CLASP2: variants seen among roughly 807,000 people sequenced by gnomAD.
CLASP2 encodes cytoplasmic linker associated protein 2.
CLASP2 carries 47 observed loss-of-function variants against 194.4 expected under a neutral mutation model. That is an observed-to-expected ratio of 0.24 (90% CI 0.19 to 0.31). The LOEUF (loss-of-function observed/expected upper bound fraction) is 0.31, where lower values mean the gene tolerates loss of function less well. Among genes scored for constraint, CLASP2 ranks in the 10% least tolerant of loss-of-function variants. The pLI is 1.00. For missense variants in CLASP2, 1,445 were observed against 1,823.6 expected, an observed-to-expected ratio of 0.79 and a Z score of 3.78; for synonymous variants, 619 against 633.5, an observed-to-expected ratio of 0.98 and a Z score of 0.34.
At chr3:33,548,519 G>A (rs931533881) in intron 30 of CLASP2, among the ~76,000 whole-genome samples, 2 of 151,944 alleles carry the variant, frequency 1.3e-5, no homozygotes, top group African/African-American at 4.8e-5. Context: ...GGATGGTCTT[G>A]ATCTCCTGAC....
chr3:33,523,246 C>G (rs1004008), intron 34 of CLASP2, among the ~76,000 whole-genome samples: 49,559 of 151,890 alleles, frequency 0.33, 8,347 homozygotes, highest in Admixed American at 0.46. Flanking sequence ...GACAGAAAAA[C>G]TATTTGAAAA....
chr3:33,674,523 G>T (rs1041941520), intron 6 of CLASP2, among the ~76,000 whole-genome samples: 18 of 151,726 alleles, frequency 1.2e-4, no homozygotes, highest in African/African-American at 4.1e-4. Flanking sequence ...ACAATTAAAA[G>T]AACTAGAAAA....
intron 5 of CLASP2, 102 bp downstream of exon 5, chr3:33,686,958 C>T: frequency 1.6e-6 from 1 of 628,244 alleles, no homozygotes; most frequent in Non-Finnish European, 2.7e-6. Context: ...TTCAGCATCC[C>T]CCTCCACCCT....
At chr3:33,658,883 G>C (rs938295317) in intron 7 of CLASP2, 1 of 1,185,324 alleles carries the variant, frequency 8.4e-7, no homozygotes, top group African/African-American at 1.5e-5. Flanking sequence ...TCATTCTTTA[G>C]GGAGAAATAT....
intron 12 of CLASP2, among the ~76,000 whole-genome samples, chr3:33,612,544 G>A (rs984081197): frequency 2.6e-5 from 4 of 152,150 alleles, no homozygotes; most frequent in Non-Finnish European, 4.4e-5. Flanking sequence ...TGGCTGAATC[G>A]TATCTCTCTA....
intron 23 of CLASP2, among the ~76,000 whole-genome samples, chr3:33,578,066 C>A (rs1346907217): frequency 6.6e-6 from 1 of 152,134 alleles, no homozygotes; most frequent in Non-Finnish European, 1.5e-5. Context: ...TGATTATAGC[C>A]ACACTACTAG....
At chr3:33,709,939 A>T (rs1199842553) in intron 1 of CLASP2, among the ~76,000 whole-genome samples, 2 of 152,210 alleles carry the variant, frequency 1.3e-5, no homozygotes, top group African/African-American at 4.8e-5. Context: ...GATGAAGTTG[A>T]GGTTACATTA....
In CLASP2 at chr3:33,671,449, G is replaced by A. The variant is rs767770128; in HGVS notation, c.645-7934C>T. ...AGACCAGGAATTTTTTTAAAACTATGACTAAGGAGGAGCCAAGATGGCCGA... is the reference window on the plus strand; with the variant it reads ...AGACCAGGAATTTTTTTAAAACTATAACTAAGGAGGAGCCAAGATGGCCGA... On this transcript the variant is annotated intron_variant, in intron 6 of 38. Transcript: ENST00000682230. Among the ~76,000 whole-genome samples the A allele has an allele frequency of 6.6e-5, 10 of 152,208 alleles. No individual in the cohort carries two copies. The East Asian group carries it at 1.5e-3, about 24-fold the overall frequency.
intron 29 of CLASP2, among the ~76,000 whole-genome samples, chr3:33,552,074 G>T (rs1452980542): frequency 6.7e-6 from 1 of 150,168 alleles, no homozygotes; most frequent in Non-Finnish European, 1.5e-5. Flanking sequence ...CTGAAGAAAA[G>T]ACAACACTTA....
chr3:33,517,882 G>A (rs2051826891), intron 34 of CLASP2, among the ~76,000 whole-genome samples: 1 of 152,124 alleles, frequency 6.6e-6, no homozygotes, highest in South Asian at 2.1e-4. Context: ...TGGAACTCCT[G>A]GGCTCAAGTG....
chr3:33,677,496 T>C (rs575591325), intron 6 of CLASP2, among the ~76,000 whole-genome samples: 11 of 144,182 alleles, frequency 7.6e-5, no homozygotes, highest in South Asian at 2.2e-4. Flanking sequence ...TAGATGGGAA[T>C]TGAACGATGA....
At chr3:33,588,298 G>T (rs1332800060) in intron 21 of CLASP2, among the ~76,000 whole-genome samples, 1 of 152,122 alleles carries the variant, frequency 6.6e-6, no homozygotes, top group Non-Finnish European at 1.5e-5. Context: ...TTTCTTTTGG[G>T]AAAACCAGAG....
At chr3:33,683,503 G>A (rs1446917068) in intron 6 of CLASP2, 1 of 152,284 alleles carries the variant, frequency 6.6e-6, no homozygotes, top group Non-Finnish European at 1.5e-5. Flanking sequence ...AGCTACTTGG[G>A]AGGCTGAGGT....
Position 33,663,481 on chromosome 3 carries a change from G to C in CLASP2, c.679C>G (p.Gln227Glu). The change falls in exon 7 of 39, where the codon CAA (glutamine) becomes GAA (glutamate). Residue 227 changes from glutamine (Q) to glutamate (E), a missense_variant. Physicochemically the swap from Gln to Glu is conservative, Grantham distance 29 (BLOSUM62 2). Transcript: ENST00000682230. ...CTCAAAATCATACCGCCTGAACTTTGCACTTCATCAAATTTGGCAAATATC... is the reference window on the plus strand; with the variant it reads ...CTCAAAATCATACCGCCTGAACTTTCCACTTCATCAAATTTGGCAAATATC... ...EMIFAKFDEV[Q>E]SSGGMILSVC... 1 of 1,612,242 alleles carries C rather than the reference G, an allele frequency of 6.2e-7. No individual in the cohort carries two copies. The highest frequency in any genetic ancestry group is 1.3e-5 in the African/African-American group (1 of 74,958).
At position 33,496,519 on chromosome 3, in the gene CLASP2, C is replaced by G. The variant is rs1336589469; in HGVS notation, c.*2112G>C. The G allele has an allele frequency of 6.6e-6, 1 of 152,126 alleles. No individual in the cohort carries two copies. Among genetic ancestry groups the G allele is most frequent in the Non-Finnish European group, 1.5e-5 (1 of 68,012 alleles). The allele number at this position is 152,126 out of a possible 1,614,324, so 9.4% of individuals were successfully genotyped here. On this transcript the variant is annotated 3_prime_UTR_variant, in exon 39 of 39. Transcript: ENST00000682230. The stretch of plus-strand genomic sequence containing the variant: ...CACAATTTTTCCATGTTTACATCTA[C>G]TAGCTTTCATTTGGACACATTAAAC...
chr3:33,530,282 C>T (rs902287086), intron 34 of CLASP2, among the ~76,000 whole-genome samples: 1 of 151,966 alleles, frequency 6.6e-6, no homozygotes, highest in Non-Finnish European at 1.5e-5. Context: ...TTAGACTAGC[C>T]TGGACAATAT....
intron 26 of CLASP2, among the ~76,000 whole-genome samples, chr3:33,568,172 T>C (rs2063084792): frequency 6.6e-6 from 1 of 152,160 alleles, no homozygotes; most frequent in Admixed American, 6.6e-5. Flanking sequence ...GTCAGCAAAC[T>C]ATGGCCTGCA....
chr3:33,655,040 T>C (rs1005742085), intron 7 of CLASP2, among the ~76,000 whole-genome samples: 8 of 152,156 alleles, frequency 5.3e-5, no homozygotes, highest in Admixed American at 3.9e-4. Context: ...AAATAACACA[T>C]GCCATAATAG....
In CLASP2 at chr3:33,712,037, C is replaced by A. The variant is rs371336956; in HGVS notation, c.195+5771G>T. Among the ~76,000 whole-genome samples, 74 of 152,250 alleles carry A rather than the reference C, an allele frequency of 4.9e-4. 1 individual carries two copies. The South Asian group carries it at 0.014, about 29-fold the overall frequency. The stretch of plus-strand genomic sequence containing the variant: ...GGTATCTATCCAAAGGAAAAGAAGT[C>A]ATTATATAAAAAAGACACAGGGACA... On this transcript the variant is annotated intron_variant, in intron 1 of 38. Transcript: ENST00000682230.
Sources: allele counts gnomAD v4.1 joint callset (sites outside exome capture counted in the v4.1 genomes callset), GRCh38; gene constraint gnomAD v4.1.1; transcripts MANE v1.5; gene names NCBI Gene and HGNC (gene_info 2026-07-23, HGNC 2026-07-21).